Variants in ATP9B observed in about 807,000 individuals in gnomAD.
ATP9B encodes probable phospholipid-transporting ATPase IIB.
A neutral mutation model predicts 146.1 loss-of-function variants in ATP9B; 110 were observed. The ratio of observed to expected loss-of-function variants is 0.75; its 90% CI spans 0.65 to 0.88. ATP9B has a LOEUF of 0.88. Among genes scored for constraint, ATP9B ranks in the 40% least tolerant of loss-of-function variants. The pLI is 0.00. For missense variants in ATP9B, 1,499 were observed against 1,496.4 expected, an observed-to-expected ratio of 1.00 and a Z score of -0.03; for synonymous variants, 604 against 569.7, an observed-to-expected ratio of 1.06 and a Z score of -0.86.
At chr18:79,304,909 T>C (rs1247890292) in intron 14 of ATP9B, among the ~76,000 whole-genome samples, 4 of 152,246 alleles carry the variant, frequency 2.6e-5, no homozygotes. Flanking sequence ...TGTTGATTTA[T>C]TCTGAATATA....
In ATP9B at chr18:79,345,439, G is replaced by C. The variant is rs569549207; in HGVS notation, c.2484G>C (p.Lys828Asn). 1.2e-6 allele frequency: 2 copies of C among 1,614,018 alleles called. No individual in the cohort carries two copies. The highest frequency in any genetic ancestry group is 1.1e-5 in the South Asian group (1 of 91,082). The change falls in exon 22 of 30, where the codon AAG (lysine) becomes AAC (asparagine). Residue 828 changes from lysine (K) to asparagine (N), a missense_variant. Coordinates refer to ENST00000426216, the MANE Select transcript of ATP9B (RefSeq NM_198531.5). Reference protein sequence around the residue: ...ISGDSLEVCLKYYEHEFVELA... With the variant: ...ISGDSLEVCLNYYEHEFVELA... Reference sequence around the variant, plus strand: ...GCTTTGTTTTCCAGGTTTGTCTAAAGTACTACGAGCATGAATTTGTGGAGC... The same window carrying C: ...GCTTTGTTTTCCAGGTTTGTCTAAACTACTACGAGCATGAATTTGTGGAGC...
intron 15 of ATP9B, among the ~76,000 whole-genome samples, chr18:79,312,100 G>A (rs886233080): frequency 2.6e-5 from 4 of 152,048 alleles, no homozygotes; most frequent in South Asian, 2.1e-4. Context: ...CTGCTCACGC[G>A]CCTTCGCCGA....
chr18:79,275,868 A>G (rs1460915900), intron 12 of ATP9B, among the ~76,000 whole-genome samples: 1 of 152,244 alleles, frequency 6.6e-6, no homozygotes, highest in East Asian at 1.9e-4. Context: ...TCTAACTAGT[A>G]CATAGAATTT....
chr18:79,156,708 T>C (rs1243023518), intron 7 of ATP9B, among the ~76,000 whole-genome samples: 1 of 152,252 alleles, frequency 6.6e-6, no homozygotes, highest in African/African-American at 2.4e-5. Context: ...GTGTTACTGC[T>C]TATATTTTGA....
At position 79,160,172 on chromosome 18, in the gene ATP9B, T is replaced by C. The variant is rs1489494954; in HGVS notation, c.778+5617T>C. On this transcript the variant is annotated intron_variant, in intron 7 of 29. Coordinates refer to ENST00000426216, the MANE Select transcript of ATP9B (RefSeq NM_198531.5). ...TAATTCCCCATCATTTCTATTATAA[T>C]GTACTTAAAAAACTATTTTGTTAGT... 1.1e-4 allele frequency among the ~76,000 whole-genome samples: 16 copies of C among 152,260 alleles called. 1 individual carries two copies. The South Asian group carries it at 2.5e-3, about 24-fold the overall frequency.
chr18:79,138,641 C>CT (rs2147345475), intron 5 of ATP9B, among the ~76,000 whole-genome samples: 1 of 152,262 alleles, frequency 6.6e-6, no homozygotes, highest in African/African-American at 2.4e-5. Flanking sequence ...AGGTGGTAAA[C>CT]TATCATCTCA....
intron 2 of ATP9B, among the ~76,000 whole-genome samples, chr18:79,104,546 T>G (rs1276075240): frequency 6.6e-6 from 1 of 152,214 alleles, no homozygotes; most frequent in Non-Finnish European, 1.5e-5. Flanking sequence ...GAACTAATTT[T>G]TCTGGTTTTT....
At chr18:79,183,079 G>A (rs906685682) in intron 8 of ATP9B, among the ~76,000 whole-genome samples, 9 of 152,246 alleles carry the variant, frequency 5.9e-5, no homozygotes, top group Admixed American at 3.9e-4. Flanking sequence ...ATTCTTGCAT[G>A]GTTGGATAAT....
chr18:79,071,901 T>G (rs772563666), intron 1 of ATP9B, among the ~76,000 whole-genome samples: 9,237 of 150,618 alleles, frequency 0.061, 390 homozygotes, highest in Non-Finnish European at 0.091. Flanking sequence ...TTTTTTTTTT[T>G]TTTTTGGTTT....
At chr18:79,320,244 C>T (rs2096707770) in intron 15 of ATP9B, among the ~76,000 whole-genome samples, 1 of 152,172 alleles carries the variant, frequency 6.6e-6, no homozygotes, top group African/African-American at 2.4e-5. Context: ...AACTGAGGTT[C>T]TGGGAGGGAA....
chr18:79,070,906 A>AT lies in ATP9B; in HGVS notation c.119+1383dup, dbSNP rs572773595. On this transcript the variant is annotated intron_variant, in intron 1 of 29. Transcript: ENST00000426216. ...AAGTGAGTTTCTTGTTGGATCTTAT[A>AT]TTTTTTATCAACTATGCCATTCTCT... is the stretch of plus-strand genomic sequence containing the variant. 1.0e-3 allele frequency among the ~76,000 whole-genome samples: 156 copies of AT among 151,870 alleles called. 2 individuals are homozygous for AT. The highest frequency in any genetic ancestry group is 3.6e-3 in the African/African-American group (151 of 41,398).
intron 2 of ATP9B, among the ~76,000 whole-genome samples, chr18:79,098,843 AGTT>A (rs2075031480): frequency 6.6e-6 from 1 of 152,184 alleles, no homozygotes; most frequent in African/African-American, 2.4e-5. Flanking sequence ...CTGGAGTAGT[AGTT>A]CAGTGTTTAT....
At chr18:79,123,967 T>A (rs538483611) in intron 4 of ATP9B, among the ~76,000 whole-genome samples, 8 of 152,298 alleles carry the variant, frequency 5.3e-5, no homozygotes, top group African/African-American at 1.9e-4. Context: ...AGATACTACT[T>A]CACACCCAGT....
chr18:79,321,995 T>C (rs542240037), intron 15 of ATP9B, among the ~76,000 whole-genome samples: 2 of 152,318 alleles, frequency 1.3e-5, no homozygotes, highest in African/African-American at 4.8e-5. Context: ...GAAGTTTTAT[T>C]GGAGGAAGCA....
At chr18:79,219,922 G>C (rs1333051043) in intron 11 of ATP9B, among the ~76,000 whole-genome samples, 1 of 152,174 alleles carries the variant, frequency 6.6e-6, no homozygotes, top group Non-Finnish European at 1.5e-5. Context: ...AACAATTTAG[G>C]CTCATACATT....
At chr18:79,209,600 A>G (rs776071073) in intron 10 of ATP9B, 54 of 963,556 alleles carry the variant, frequency 5.6e-5, no homozygotes, top group Non-Finnish European at 6.5e-5. Flanking sequence ...CTAATGAGGC[A>G]TCGTAACATG....
intron 12 of ATP9B, among the ~76,000 whole-genome samples, chr18:79,256,272 T>C (rs1189145935): frequency 1.5e-5 from 2 of 131,500 alleles, no homozygotes; most frequent in Admixed American, 7.6e-5. Flanking sequence ...TATATATATA[T>C]ATATATATAT....
rs1393347403 is a variant in ATP9B at position 79,351,590 on chromosome 18, T to C, written c.2903+3394T>C. 2.0e-5 allele frequency among the ~76,000 whole-genome samples: 3 copies of C among 152,244 alleles called. No homozygotes were observed. The East Asian group carries it at 5.8e-4, about 29-fold the overall frequency. On this transcript the variant is annotated intron_variant, in intron 25 of 29. Transcript: ENST00000426216. Reference sequence around the variant, plus strand: ...CATCTAACTAGAACAAAATCATGTCTATGATAAACTGGCTCTAGAACCTAG... The same window carrying C: ...CATCTAACTAGAACAAAATCATGTCCATGATAAACTGGCTCTAGAACCTAG...
chr18:79,301,861 A>G (rs988985813), intron 13 of ATP9B, among the ~76,000 whole-genome samples: 2 of 152,230 alleles, frequency 1.3e-5, no homozygotes, highest in African/African-American at 4.8e-5. Flanking sequence ...AGCATTTATC[A>G]AAACAATCTC....
Sources: gnomAD v4.1 joint callset for allele counts (sites outside exome capture counted in the v4.1 genomes callset) on GRCh38, gnomAD v4.1.1 for gene constraint, MANE v1.5 for transcripts, NCBI Gene and HGNC (gene_info 2026-07-23, HGNC 2026-07-21) for gene names.